Variants in SEMA3D observed in about 807,000 individuals in gnomAD.
The protein encoded by SEMA3D is semaphorin 3D, also known as semaphorin-3D.
In SEMA3D, 84 loss-of-function variants were observed where a neutral mutation model predicts 100.1. The ratio of observed to expected loss-of-function variants is 0.84; its 90% CI spans 0.70 to 1.01. The LOEUF is 1.01. Ranked by LOEUF, SEMA3D falls within the 50% of genes least tolerant of loss-of-function variation. The pLI is 0.00. For synonymous variants in SEMA3D, 312 were observed against 320.7 expected (o/e 0.97, Z 0.29); for missense variants, 875 against 934.1 (o/e 0.94, Z 0.82).
At chr7:85,059,636 G>A (rs1791419389) in intron 8 of SEMA3D, among the ~76,000 whole-genome samples, 1 of 152,160 alleles carries the variant, frequency 6.6e-6, no homozygotes, top group Non-Finnish European at 1.5e-5. Flanking sequence ...TGAGAACTCA[G>A]TGATTCGAAA....
intron 5 of SEMA3D, among the ~76,000 whole-genome samples, chr7:85,079,572 T>A (rs1366859845): frequency 6.6e-6 from 1 of 152,170 alleles, no homozygotes. Context: ...TTTAACTTAA[T>A]AAGAGGGGCA....
At chr7:85,107,063 A>G (rs950816171) in intron 3 of SEMA3D, among the ~76,000 whole-genome samples, 1 of 151,998 alleles carries the variant, frequency 6.6e-6, no homozygotes. Flanking sequence ...TGTTCAAATC[A>G]CACCCTCTCT....
At chr7:85,215,982 C>T in the SEMA3D span, among the ~76,000 whole-genome samples, 1 of 151,994 alleles carries the variant, frequency 6.6e-6, no homozygotes, top group East Asian at 1.9e-4. Context: ...TAATATAAAA[C>T]TTTTCATCTG....
intron 9 of SEMA3D, among the ~76,000 whole-genome samples, chr7:85,048,491 G>A (rs1791069601): frequency 6.6e-6 from 1 of 151,826 alleles, no homozygotes; most frequent in Non-Finnish European, 1.5e-5. Flanking sequence ...CATTAGAAGT[G>A]TATGCCTTAT....
chr7:85,143,182 A>T, intron 2 of SEMA3D: 1 of 976,464 alleles, frequency 1.0e-6, no homozygotes, highest in Non-Finnish European at 1.2e-6. Context: ...ATATAAAATC[A>T]GGTCATATGA....
intron 3 of SEMA3D, among the ~76,000 whole-genome samples, chr7:85,117,403 T>C (rs1233150039): frequency 1.3e-5 from 2 of 152,194 alleles, no homozygotes; most frequent in Non-Finnish European, 2.9e-5. Flanking sequence ...GATGGCTTGT[T>C]ATACAGCAAT....
At chr7:85,243,885 T>C in the SEMA3D span, among the ~76,000 whole-genome samples, 556 of 152,324 alleles carry the variant, frequency 3.7e-3, 1 homozygote, top group African/African-American at 0.013. Flanking sequence ...CTATCTCATA[T>C]TGACAATAAG....
intron 1 of SEMA3D, among the ~76,000 whole-genome samples, chr7:85,173,132 G>GAGAGAA (rs1483200013): frequency 6.8e-6 from 1 of 147,266 alleles, no homozygotes; most frequent in African/African-American, 2.5e-5. Context: ...GAGAAAGAGA[G>GAGAGAA]AGAGAAAGAG....
In SEMA3D at chr7:85,077,209, T is replaced by A. The variant is rs139526736; in HGVS notation, c.376-4128A>T. ...ACATTTATATCTTAAAAATGAGAGA[T>A]CTAACAGTGAAGATTTCTACAGAGC... On this transcript the variant is annotated intron_variant, in intron 5 of 18. Coordinates refer to ENST00000284136, the MANE Select transcript of SEMA3D (RefSeq NM_001384900.1). 3.1e-3 allele frequency among the ~76,000 whole-genome samples: 474 copies of A among 151,498 alleles called. 2 individuals are homozygous for A. Among genetic ancestry groups the A allele is most frequent in the Non-Finnish European group, 5.0e-3 (337 of 67,904 alleles).
chr7:85,097,984 G>T lies in SEMA3D; in HGVS notation c.152-19C>A. The T allele has an allele frequency of 2.3e-6, 3 of 1,296,480 alleles. No individual in the cohort carries two copies. The highest frequency in any genetic ancestry group is 2.0e-6 in the Non-Finnish European group (2 of 989,176). The allele number at this position is 1,296,480 out of a possible 1,614,324, so 80.3% of individuals were successfully genotyped here. On this transcript the variant is annotated intron_variant, in intron 3 of 18. Transcript: ENST00000284136. The stretch of plus-strand genomic sequence containing the variant: ...AGCAAGTCTATGGAAAGCAAAAAAA[G>T]AAAAGAAAGGAGAAAGAAAAAAGAA...
the SEMA3D span, among the ~76,000 whole-genome samples, chr7:85,233,725 C>T: frequency 2.6e-5 from 4 of 152,258 alleles, no homozygotes; most frequent in East Asian, 1.9e-4. Flanking sequence ...TGATTGCTAA[C>T]GTTGAATAAG....
chr7:85,012,224 A>C (rs897013374), intron 17 of SEMA3D, among the ~76,000 whole-genome samples: 1 of 151,770 alleles, frequency 6.6e-6, no homozygotes, highest in Non-Finnish European at 1.5e-5. Context: ...GCCTTATGAC[A>C]CTTCCCAAAA....
chr7:85,184,872 T>G (rs1299598167), intron 1 of SEMA3D, among the ~76,000 whole-genome samples: 1 of 151,856 alleles, frequency 6.6e-6, no homozygotes, highest in African/African-American at 2.4e-5. Flanking sequence ...CTGGGGCGAG[T>G]CTCAGAGACT....
chr7:85,181,881 A>C (rs920953276), intron 1 of SEMA3D: 2 of 284,664 alleles, frequency 7.0e-6, no homozygotes, highest in Admixed American at 6.5e-5. Context: ...ATGGATTGAA[A>C]ATCATCAAAA....
intron 1 of SEMA3D, among the ~76,000 whole-genome samples, chr7:85,181,353 CACACACACAT>C (rs987805698): frequency 1.5e-5 from 2 of 129,106 alleles, no homozygotes; most frequent in African/African-American, 5.4e-5. Flanking sequence ...CACACACACA[CACACACACAT>C]GCACTGCTAG....
At chr7:85,192,836 A>G in the SEMA3D span, among the ~76,000 whole-genome samples, 1 of 152,144 alleles carries the variant, frequency 6.6e-6, no homozygotes, top group East Asian at 1.9e-4. Flanking sequence ...ACTTTTCCTT[A>G]TATCAAGCAA....
At chr7:85,112,072 T>A (rs2116368315) in intron 3 of SEMA3D, among the ~76,000 whole-genome samples, 1 of 152,240 alleles carries the variant, frequency 6.6e-6, no homozygotes, top group East Asian at 1.9e-4. Flanking sequence ...CTTTCCATCT[T>A]GCTAAATAAT....
the SEMA3D span, among the ~76,000 whole-genome samples, chr7:85,236,286 TTTATTTATTTA>T: frequency 9.7e-3 from 913 of 93,930 alleles, 12 homozygotes; most frequent in African/African-American, 0.055. Context: ...TTTTATTTTA[TTTATTTATTTA>T]TTTATTTATT....
intron 8 of SEMA3D, among the ~76,000 whole-genome samples, chr7:85,056,991 TG>T (rs1791338050): frequency 6.6e-6 from 1 of 150,990 alleles, no homozygotes; most frequent in Non-Finnish European, 1.5e-5. Flanking sequence ...AAGATAGTTA[TG>T]GGGCTGATAA....
Sources: allele counts gnomAD v4.1 joint callset (sites outside exome capture counted in the v4.1 genomes callset), GRCh38; gene constraint gnomAD v4.1.1; transcripts MANE v1.5; gene names NCBI Gene and HGNC (gene_info 2026-07-23, HGNC 2026-07-21).